GRID1: variants seen among roughly 807,000 people sequenced by gnomAD.
GRID1 encodes glutamate ionotropic receptor delta type subunit 1, also known as glutamate receptor ionotropic, delta-1.
In GRID1, 28 loss-of-function variants were observed where a neutral mutation model predicts 98.0. The observed-to-expected ratio is 0.29, with a 90% CI of 0.21 to 0.39. The LOEUF (loss-of-function observed/expected upper bound fraction) is 0.39. Among genes scored for constraint, GRID1 ranks in the 10% least tolerant of loss-of-function variants. The pLI, the probability that GRID1 is intolerant of heterozygous loss-of-function variation, is 1.00. For missense variants in GRID1, 1,111 were observed against 1,340.5 expected (o/e 0.83, Z 2.67); for synonymous variants, 553 against 538.5 (o/e 1.03, Z -0.37).
At chr10:86,084,137 G>C (rs890785631) in intron 4 of GRID1, among the ~76,000 whole-genome samples, 11 of 152,142 alleles carry the variant, frequency 7.2e-5, no homozygotes, top group African/African-American at 2.4e-4. Context: ...GCAGTGACGG[G>C]GTAGTAGGTA....
At chr10:85,903,544 G>A (rs187798142) in intron 5 of GRID1, among the ~76,000 whole-genome samples, 1 of 151,998 alleles carries the variant, frequency 6.6e-6, no homozygotes, top group African/African-American at 2.4e-5. Flanking sequence ...TTACTCTTAA[G>A]GCAGCTACCA....
At chr10:86,045,706 C>T (rs1400879747) in intron 4 of GRID1, among the ~76,000 whole-genome samples, 1 of 152,138 alleles carries the variant, frequency 6.6e-6, no homozygotes, top group African/African-American at 2.4e-5. Flanking sequence ...TCTCTGAATA[C>T]TCCATCCAGC....
chr10:85,678,895 A>T (rs1228214958), intron 12 of GRID1, among the ~76,000 whole-genome samples: 8 of 152,046 alleles, frequency 5.3e-5, no homozygotes, highest in Non-Finnish European at 8.8e-5. Flanking sequence ...ATGCAACTAA[A>T]TTTTTCTCTC....
At chr10:86,070,594 C>T (rs1403140418) in intron 4 of GRID1, among the ~76,000 whole-genome samples, 2 of 152,124 alleles carry the variant, frequency 1.3e-5, no homozygotes, top group African/African-American at 4.8e-5. Context: ...ACAGTGGACA[C>T]TGGGAACTAT....
chr10:85,651,066 T>C (rs532905061), intron 12 of GRID1, among the ~76,000 whole-genome samples: 1 of 152,334 alleles, frequency 6.6e-6, no homozygotes, highest in South Asian at 2.1e-4. Flanking sequence ...CTCAGCAGTC[T>C]ATGTTTCCAC....
intron 5 of GRID1, among the ~76,000 whole-genome samples, chr10:85,914,558 G>A (rs770982341): frequency 7.2e-5 from 11 of 152,200 alleles, no homozygotes; most frequent in East Asian, 1.9e-4. Context: ...GTAAATGGAC[G>A]GTTACTGCAC....
intron 12 of GRID1, among the ~76,000 whole-genome samples, chr10:85,701,862 A>C (rs374942118): frequency 6.6e-6 from 1 of 152,244 alleles, no homozygotes. Context: ...AGTAAAGTGC[A>C]GTGTATACCG....
At chr10:86,009,553 G>A (rs944902835) in intron 4 of GRID1, among the ~76,000 whole-genome samples, 18 of 152,170 alleles carry the variant, frequency 1.2e-4, no homozygotes, top group African/African-American at 4.1e-4. Context: ...GGATAATCGG[G>A]AGTTTATTGG....
At chr10:85,897,399 CCTGAG>C (rs1841308232) in intron 5 of GRID1, among the ~76,000 whole-genome samples, 2 of 152,166 alleles carry the variant, frequency 1.3e-5, no homozygotes, top group Non-Finnish European at 1.5e-5. Flanking sequence ...GGTAAAATGG[CCTGAG>C]CCAGGAAACC....
chr10:85,887,547 T>A (rs1434769372), intron 5 of GRID1, among the ~76,000 whole-genome samples: 1 of 152,132 alleles, frequency 6.6e-6, no homozygotes, highest in African/African-American at 2.4e-5. Flanking sequence ...CTCATCAGAA[T>A]CTGCATTTTA....
At chr10:85,970,478 G>A (rs1246614931) in intron 4 of GRID1, among the ~76,000 whole-genome samples, 1 of 152,030 alleles carries the variant, frequency 6.6e-6, no homozygotes, top group Non-Finnish European at 1.5e-5. Context: ...TGACCGTCAA[G>A]TGAGATTTAT....
chr10:86,145,107 A>T (rs1845066425), intron 3 of GRID1, among the ~76,000 whole-genome samples: 1 of 152,266 alleles, frequency 6.6e-6, no homozygotes, highest in African/African-American at 2.4e-5. Context: ...GTTGCCAAGA[A>T]ATTAATATCC....
intron 12 of GRID1, among the ~76,000 whole-genome samples, chr10:85,648,625 T>C (rs931749287): frequency 1.3e-5 from 2 of 152,114 alleles, no homozygotes; most frequent in Non-Finnish European, 2.9e-5. Flanking sequence ...CACAGAACCA[T>C]AGCCAACCTT....
At chr10:86,128,495 C>T (rs967371877) in intron 4 of GRID1, among the ~76,000 whole-genome samples, 1 of 152,194 alleles carries the variant, frequency 6.6e-6, no homozygotes, top group African/African-American at 2.4e-5. Context: ...ATTGCTTTCC[C>T]CCTGACACTG....
intron 15 of GRID1, among the ~76,000 whole-genome samples, chr10:85,609,182 C>T (rs1590157269): frequency 6.6e-6 from 1 of 152,200 alleles, no homozygotes; most frequent in East Asian, 1.9e-4. Flanking sequence ...CCCATCTCTA[C>T]CCTTCTCACT....
chr10:86,060,209 C>T (rs866014090), intron 4 of GRID1, among the ~76,000 whole-genome samples: 11 of 152,324 alleles, frequency 7.2e-5, no homozygotes, highest in Middle Eastern at 6.8e-3. Context: ...AAATCAAATG[C>T]TACAAATAGA....
chr10:85,840,688 T>A (rs1215653044), intron 8 of GRID1, among the ~76,000 whole-genome samples: 1 of 151,986 alleles, frequency 6.6e-6, no homozygotes, highest in Non-Finnish European at 1.5e-5. Flanking sequence ...TTCTTATACA[T>A]CAACCACTGT....
intron 4 of GRID1, among the ~76,000 whole-genome samples, chr10:86,021,228 T>C (rs532957311): frequency 6.6e-6 from 1 of 152,196 alleles, no homozygotes; most frequent in Non-Finnish European, 1.5e-5. Context: ...ACTCCCTATC[T>C]GGGCTTCTCT....
intron 3 of GRID1, among the ~76,000 whole-genome samples, chr10:86,184,184 A>G (rs1845695745): frequency 6.6e-6 from 1 of 152,186 alleles, no homozygotes; most frequent in Non-Finnish European, 1.5e-5. Flanking sequence ...ATTCATAAAT[A>G]TTTCTCCTCA....
Sources: gnomAD v4.1 joint callset for allele counts (sites outside exome capture counted in the v4.1 genomes callset) on GRCh38, gnomAD v4.1.1 for gene constraint, MANE v1.5 for transcripts, NCBI Gene and HGNC (gene_info 2026-07-23, HGNC 2026-07-21) for gene names.